Variants in CCDC138 observed in about 807,000 individuals in gnomAD.
The protein encoded by CCDC138 is coiled-coil domain containing 138.
CCDC138 carries 66 observed loss-of-function variants against 82.3 expected under a neutral mutation model. The observed-to-expected ratio is 0.80, with a 90% CI of 0.66 to 0.98. CCDC138 has a LOEUF of 0.98. Ranked by LOEUF, CCDC138 falls within the 50% of genes least tolerant of loss-of-function variation. The pLI, the probability that CCDC138 is intolerant of heterozygous loss-of-function variation, is 0.00. For missense variants in CCDC138, 816 were observed against 758.9 expected (o/e 1.08, Z -0.88); for synonymous variants, 297 against 265.4 (o/e 1.12, Z -1.16).
chr2:108,836,929 T>C (rs1165261573), intron 10 of CCDC138, among the ~76,000 whole-genome samples: 1 of 152,202 alleles, frequency 6.6e-6, no homozygotes, highest in Non-Finnish European at 1.5e-5. Context: ...GCAACTTTGC[T>C]GAATTTATGT....
intron 5 of CCDC138, among the ~76,000 whole-genome samples, chr2:108,795,090 A>G (rs1275129654): frequency 3.3e-5 from 5 of 151,700 alleles, no homozygotes; most frequent in Non-Finnish European, 7.4e-5. Flanking sequence ...ACTCTCATCA[A>G]AATTGAACTC....
intron 7 of CCDC138, among the ~76,000 whole-genome samples, chr2:108,810,393 A>T (rs1349300739): frequency 6.6e-6 from 1 of 152,198 alleles, no homozygotes; most frequent in Non-Finnish European, 1.5e-5. Flanking sequence ...TTCTGTGTCT[A>T]TTGAAATGAT....
At chr2:108,840,817 TA>T (rs1689338991) in intron 11 of CCDC138, among the ~76,000 whole-genome samples, 1 of 151,934 alleles carries the variant, frequency 6.6e-6, no homozygotes, top group South Asian at 2.1e-4. Context: ...TTTTTCTTTT[TA>T]TTTTTTTGAG....
In CCDC138 at chr2:108,856,892, T is replaced by C. The variant is rs1426345122; in HGVS notation, c.1615T>C (p.Leu539=). The change falls in exon 13 of 15, where the codon TTA becomes CTA. Residue 539 remains leucine, a synonymous_variant. Coordinates refer to ENST00000295124, the MANE Select transcript of CCDC138 (RefSeq NM_144978.3). ...GGAGTATCAGGCTGTTCCAGTAATA[T>C]TAAGTCATCTAAGAATATCCAGTAA... The part of the protein sequence containing the change: ...FLEYQAVPVI[L]SHLRISSKGL... 8.7e-6 allele frequency: 14 copies of C among 1,613,294 alleles called. No homozygotes were observed. Among genetic ancestry groups the C allele is most frequent in the Non-Finnish European group, 1.1e-5 (13 of 1,179,554 alleles).
intron 6 of CCDC138, 98 bp downstream of exon 6, chr2:108,798,684 T>C (rs1681327896): frequency 1.2e-6 from 1 of 835,248 alleles, no homozygotes; most frequent in South Asian, 1.8e-5. Flanking sequence ...TATTTCTCCT[T>C]CCCTTCCTCC....
chr2:108,835,567 T>G (rs1038831654), intron 10 of CCDC138, among the ~76,000 whole-genome samples: 5 of 152,246 alleles, frequency 3.3e-5, no homozygotes, highest in African/African-American at 1.2e-4. Flanking sequence ...AACCATAGTT[T>G]AAATACCTTA....
chr2:108,806,227 G>A (rs13395337), intron 7 of CCDC138, among the ~76,000 whole-genome samples: 343 of 152,266 alleles, frequency 2.3e-3, no homozygotes, highest in African/African-American at 7.7e-3. Flanking sequence ...TATCCATGGA[G>A]AGATTGCTCT....
intron 7 of CCDC138, among the ~76,000 whole-genome samples, chr2:108,809,230 A>G (rs1428255979): frequency 6.6e-6 from 1 of 152,118 alleles, no homozygotes; most frequent in South Asian, 2.1e-4. Flanking sequence ...TTTGTAGTAT[A>G]TTTTGAGTTT....
rs184341246 is a variant in CCDC138, at chr2:108,884,995, G to C, written c.*45-107G>C. Reference sequence around the variant, plus strand: ...TAGTTACATCAAAATTTCTTCCCAAGGAGCTAATTGGAATATTGTAATACA... The same window carrying C: ...TAGTTACATCAAAATTTCTTCCCAACGAGCTAATTGGAATATTGTAATACA... On this transcript the variant is annotated intron_variant, in intron 2 of 2. Coordinates refer to the CCDC138 transcript ENST00000608781. 250 of 152,286 alleles carry C rather than the reference G, an allele frequency of 1.6e-3. 7 individuals are homozygous for C. The highest frequency in any genetic ancestry group is 0.016 in the Admixed American group (247 of 15,296). 9.4% of individuals were successfully genotyped at this position (152,286 alleles called of 1,614,324 possible).
rs1195274067 is a variant in CCDC138, at chr2:108,791,737, T to C, written c.329T>C (p.Ile110Thr). 3 of 1,606,338 alleles carry C rather than the reference T, an allele frequency of 1.9e-6. No homozygotes were observed. Among genetic ancestry groups the C allele is most frequent in the East Asian group, 2.2e-5 (1 of 44,656 alleles). Residue 110 changes from isoleucine to threonine, a missense_variant, in exon 4 of 15, where the codon ATT becomes ACT. Physicochemically the swap from Ile to Thr is moderately conservative, Grantham distance 89. Coordinates refer to ENST00000295124, the MANE Select transcript of CCDC138 (RefSeq NM_144978.3). ...AAACAGGAAACAGAAGAAGAGTTAA[T>C]TGAAAATGATTATAGAGTTAGTACC... is the stretch of plus-strand genomic sequence containing the variant. Reference protein sequence around the residue: ...LKKQETEEELIENDYRVSTSK... With the variant: ...LKKQETEEELTENDYRVSTSK...
chr2:108,791,563 A>G (rs1679910217), intron 3 of CCDC138, 112 bp from the exon 4 acceptor site: 6 of 1,287,548 alleles, frequency 4.7e-6, no homozygotes, highest in Non-Finnish European at 6.7e-6. Flanking sequence ...AGTTTAAAAA[A>G]TGTTTTTACA....
rs373721113 is a variant in CCDC138 at position 108,794,537 on chromosome 2, C to A, written c.395-3C>A. 84 of 1,591,334 alleles carry A rather than the reference C, an allele frequency of 5.3e-5. 2 individuals are homozygous for A. Among genetic ancestry groups the A allele is most frequent in the South Asian group, 2.1e-4 (18 of 87,680 alleles). On this transcript the variant is annotated splice_region_variant and splice_polypyrimidine_tract_variant and intron_variant, in intron 4 of 14. Transcript: ENST00000295124. ...TATAATGCAAATGTTATTTTCTTTGCAGTTGCCTTGCCAACTAATACGACC... is the reference window on the plus strand; with the variant it reads ...TATAATGCAAATGTTATTTTCTTTGAAGTTGCCTTGCCAACTAATACGACC...
intron 7 of CCDC138, among the ~76,000 whole-genome samples, chr2:108,811,453 T>C (rs1683862580): frequency 6.6e-6 from 1 of 151,946 alleles, no homozygotes; most frequent in Non-Finnish European, 1.5e-5. Context: ...ATTGTGTTGC[T>C]GAGGCTGGTC....
chr2:108,871,369 T>A (rs10171523), intron 13 of CCDC138, among the ~76,000 whole-genome samples: 6 of 134,570 alleles, frequency 4.5e-5, no homozygotes, highest in Admixed American at 1.5e-4. Flanking sequence ...CCCAACTCTA[T>A]TAAAAAAAAA....
intron 7 of CCDC138, among the ~76,000 whole-genome samples, chr2:108,811,380 G>T (rs1020348572): frequency 6.6e-6 from 1 of 151,228 alleles, no homozygotes. Context: ...TAGTAGCTGG[G>T]ACTGCAGGCA....
chr2:108,832,507 C>T (rs1026515341), intron 10 of CCDC138, among the ~76,000 whole-genome samples: 6 of 151,744 alleles, frequency 4.0e-5, no homozygotes, highest in Non-Finnish European at 8.8e-5. Flanking sequence ...GCCACCACAC[C>T]CAGCTAATTT....
Position 108,856,945 on chromosome 2 carries a change from T to C in CCDC138, c.1668T>C (p.Ser556=). The change falls in exon 13 of 15, where the codon AGT becomes AGC. Residue 556 remains serine (S), a synonymous_variant. Transcript: ENST00000295124. ...GACTCCTGTCTAATGTTATTGATAG[T>C]TTGCTCCAGATGACGGTGGAATCTA... ...SKGLLSNVID[S]LLQMTVESKS... is the part of the protein sequence containing the mutation. 1 of 1,607,442 alleles carries C rather than the reference T, an allele frequency of 6.2e-7. No individual in the cohort carries two copies. The highest frequency in any genetic ancestry group is 8.5e-7 in the Non-Finnish European group (1 of 1,177,658).
chr2:108,829,004 G>C (rs1335831988), intron 10 of CCDC138, among the ~76,000 whole-genome samples: 1 of 152,014 alleles, frequency 6.6e-6, no homozygotes, highest in Non-Finnish European at 1.5e-5. Flanking sequence ...AACTCAAAAT[G>C]GGTCAAAGGC....
intron 1 of CCDC138, among the ~76,000 whole-genome samples, chr2:108,881,874 T>C (rs1696300831): frequency 6.6e-6 from 1 of 152,278 alleles, no homozygotes; most frequent in Admixed American, 6.5e-5. Flanking sequence ...CCAGGCACGA[T>C]GGCTCACTCT....
Sources: gnomAD v4.1 joint callset for allele counts (sites outside exome capture counted in the v4.1 genomes callset) on GRCh38, gnomAD v4.1.1 for gene constraint, MANE v1.5 for transcripts, NCBI Gene and HGNC (gene_info 2026-07-23, HGNC 2026-07-21) for gene names.